NIPA2: variants seen among roughly 807,000 people sequenced by gnomAD.
NIPA2 encodes the protein magnesium transporter NIPA2.
A neutral mutation model predicts 29.7 loss-of-function variants in NIPA2; 11 were observed. That is an observed-to-expected ratio of 0.37 (90% confidence interval 0.23 to 0.61). NIPA2 has a LOEUF of 0.61. Ranked by LOEUF, NIPA2 falls within the 20% of genes least tolerant of loss-of-function variation. The pLI is 0.66. For missense variants in NIPA2, 426 were observed against 437.9 expected (o/e 0.97, Z 0.24); for synonymous variants, 183 against 161.9 (o/e 1.13, Z -0.99).
chr15:22,857,325 T>C (rs1378954840), intron 5 of NIPA2, among the ~76,000 whole-genome samples: 2 of 151,274 alleles, frequency 1.3e-5, no homozygotes, highest in Non-Finnish European at 2.9e-5. Flanking sequence ...TAATCCCAGC[T>C]ACTTGGGAGG....
intron 6 of NIPA2, 132 bp downstream of exon 6, chr15:22,858,762 G>A (rs896511344): frequency 2.2e-5 from 11 of 491,424 alleles, no homozygotes; most frequent in South Asian, 2.1e-4. Context: ...TTTACACTAC[G>A]TAGTAATTGC....
At chr15:22,848,737 A>G (rs2057471627) in intron 3 of NIPA2, among the ~76,000 whole-genome samples, 1 of 148,192 alleles carries the variant, frequency 6.7e-6, no homozygotes. Context: ...AGGCAGGAGA[A>G]TCACTTGAAC....
chr15:22,854,578 C>G (rs2058043811), intron 5 of NIPA2, among the ~76,000 whole-genome samples: 1 of 151,736 alleles, frequency 6.6e-6, no homozygotes, highest in Non-Finnish European at 1.5e-5. Flanking sequence ...AACCCCGTCT[C>G]TACTAAAAAT....
chr15:22,852,869 CTG>C (rs1339953067), intron 4 of NIPA2, among the ~76,000 whole-genome samples: 9 of 152,196 alleles, frequency 5.9e-5, no homozygotes, highest in Non-Finnish European at 8.8e-5. Context: ...TGTGCCATCT[CTG>C]TGGCTAAACC....
At chr15:22,850,344 A>C (rs2057640184) in intron 3 of NIPA2, among the ~76,000 whole-genome samples, 1 of 151,916 alleles carries the variant, frequency 6.6e-6, no homozygotes, top group Non-Finnish European at 1.5e-5. Context: ...TAGACTCAGA[A>C]CTGGCACTCT....
chr15:22,850,569 A>G (rs1031787441), intron 3 of NIPA2, among the ~76,000 whole-genome samples: 1 of 152,188 alleles, frequency 6.6e-6, no homozygotes, highest in Non-Finnish European at 1.5e-5. Flanking sequence ...CCCTGCAGTA[A>G]TGTTATCACT....
chr15:22,848,007 A>G (rs2057403337), intron 3 of NIPA2, among the ~76,000 whole-genome samples: 1 of 151,344 alleles, frequency 6.6e-6, no homozygotes, highest in Admixed American at 6.6e-5. Flanking sequence ...CATGTTGGTC[A>G]GGCTGGTCTC....
At chr15:22,849,180 C>T (rs974223921) in intron 3 of NIPA2, among the ~76,000 whole-genome samples, 1 of 152,198 alleles carries the variant, frequency 6.6e-6, no homozygotes, top group Non-Finnish European at 1.5e-5. Flanking sequence ...ATGAGACTCA[C>T]CTATCTAGAA....
chr15:22,853,071 G>T, intron 4 of NIPA2, 141 bp from the exon 5 acceptor site: 1 of 584,724 alleles, frequency 1.7e-6, no homozygotes, highest in Non-Finnish European at 3.0e-6. Flanking sequence ...TTAAGAAATT[G>T]TCAGAGAAAT....
chr15:22,846,242 G>T (rs1305082386), intron 3 of NIPA2, among the ~76,000 whole-genome samples: 1 of 152,150 alleles, frequency 6.6e-6, no homozygotes, highest in Non-Finnish European at 1.5e-5. Flanking sequence ...GGCTGGCAGG[G>T]CAGTGGGGCC....
At position 22,866,888 on chromosome 15, in the gene NIPA2, T is replaced by C; in HGVS notation, c.*41T>C. 1 of 1,488,404 alleles carries C rather than the reference T, an allele frequency of 6.7e-7. No individual in the cohort carries two copies. Among genetic ancestry groups the C allele is most frequent in the Non-Finnish European group, 9.1e-7 (1 of 1,104,834 alleles). The allele number at this position is 1,488,404 out of a possible 1,614,324, so 92.2% of individuals were successfully genotyped here. A position where few individuals can be genotyped will look rare whatever the true frequency, so the allele number is the denominator to read the frequency against. On this transcript the variant is annotated 3_prime_UTR_variant, in exon 8 of 8. Transcript: ENST00000337451. ...AGGTTAATCTGTGATTGTTATGAAG[T>C]GAATTTGAATATCATCAGAATGTGT... is the stretch of plus-strand genomic sequence containing the variant.
intron 7 of NIPA2, among the ~76,000 whole-genome samples, chr15:22,862,088 C>T (rs2058668865): frequency 5.1e-5 from 5 of 98,902 alleles, no homozygotes; most frequent in African/African-American, 7.6e-5. Flanking sequence ...GTTCTTCTTG[C>T]TCAGGCTGGA....
chr15:22,839,473 G>A (rs1745193288), intron 1 of NIPA2, among the ~76,000 whole-genome samples, 182 bp from the exon 2 acceptor site: 2 of 152,170 alleles, frequency 1.3e-5, no homozygotes, highest in South Asian at 4.1e-4. Context: ...TTAGTAAGAG[G>A]AAATATCAGA....
intron 7 of NIPA2, among the ~76,000 whole-genome samples, chr15:22,862,047 C>CTTTTTTTTTTTTTTTTTTT (rs1251161426): frequency 4.3e-5 from 1 of 23,472 alleles, no homozygotes; most frequent in African/African-American, 1.5e-4. Flanking sequence ...TGATGGGTCT[C>CTTTTTTTTTTTTTTTTTTT]TCTTTTTTTT....
At chr15:22,840,310 T>A (rs919337021) in intron 2 of NIPA2, among the ~76,000 whole-genome samples, 1 of 150,368 alleles carries the variant, frequency 6.7e-6, no homozygotes, top group Non-Finnish European at 1.5e-5. Context: ...TTGTTTTTTT[T>A]TTTTTGAGAT....
chr15:22,858,535 C>T lies in NIPA2; in HGVS notation c.197-5C>T. On this transcript the variant is annotated splice_polypyrimidine_tract_variant and splice_region_variant and intron_variant, in intron 5 of 7. Transcript: ENST00000337451. ...TGAGTTTTTCTTTTGTTGTCTGTCT[C>T]TAAGTGGGAGCTGGTGAGGTGGCCA... is the stretch of plus-strand genomic sequence containing the variant. 6.3e-7 allele frequency: 1 copy of T among 1,599,392 alleles called. No individual in the cohort carries two copies. The highest frequency in any genetic ancestry group is 8.5e-7 in the Non-Finnish European group (1 of 1,170,924).
In NIPA2 at chr15:22,868,095, C is replaced by T. The variant is rs2059263180; in HGVS notation, c.*1248C>T. 6.6e-6 allele frequency: 1 copy of T among 152,246 alleles called. No individual in the cohort carries two copies. Among genetic ancestry groups the T allele is most frequent in the South Asian group, 2.1e-4 (1 of 4,836 alleles). 9.4% of individuals were successfully genotyped at this position (152,246 alleles called of 1,614,324 possible). ...TGCGCCAGCGCCAAGCCATCACTCC[C>T]CGAGGGCCTCCCCTGCCAATGGTGC... On this transcript the variant is annotated 3_prime_UTR_variant, in exon 8 of 8. Transcript: ENST00000337451.
rs919749652 is a variant in NIPA2 at position 22,865,666 on chromosome 15, A to G, written c.449-547A>G. Among the ~76,000 whole-genome samples, 6 of 152,226 alleles carry G rather than the reference A, an allele frequency of 3.9e-5. No individual in the cohort carries two copies. In the East Asian group the frequency reaches 9.7e-4, roughly 25 times the overall value. On this transcript the variant is annotated intron_variant, in intron 7 of 7. Transcript: ENST00000337451. ...AAATGCCTGGCCCACAGTGCTACAC[A>G]GTTGTTGGCTATTATCATGCTGGAT...
intron 3 of NIPA2, among the ~76,000 whole-genome samples, chr15:22,846,843 T>TAATAATAATA (rs200764393): frequency 1.4e-4 from 13 of 95,464 alleles, no homozygotes; most frequent in African/African-American, 3.6e-4. Context: ...TAATAATAAT[T>TAATAATAATA]ATTATTATTA....
Sources: gnomAD v4.1 joint callset for allele counts (sites outside exome capture counted in the v4.1 genomes callset) on GRCh38, gnomAD v4.1.1 for gene constraint, MANE v1.5 for transcripts, NCBI Gene and HGNC (gene_info 2026-07-23, HGNC 2026-07-21) for gene names.